Variants in PDK1 observed in about 807,000 individuals in gnomAD.
PDK1 encodes pyruvate dehydrogenase kinase 1, also known as [Pyruvate dehydrogenase (acetyl-transferring)] kinase isozyme 1, mitochondrial.
PDK1 carries 39 observed loss-of-function variants against 54.2 expected under a neutral mutation model. The ratio of observed to expected loss-of-function variants is 0.72; its 90% CI spans 0.56 to 0.94. The LOEUF is 0.94. Ranked by LOEUF, PDK1 falls within the 40% of genes least tolerant of loss-of-function variation. PDK1 has a pLI of 0.00. For synonymous variants in PDK1, 221 were observed against 207.1 expected, an observed-to-expected ratio of 1.07 and a Z score of -0.58; for missense variants, 552 against 566.0, an observed-to-expected ratio of 0.98 and a Z score of 0.25.
the PDK1 span, among the ~76,000 whole-genome samples, chr2:172,651,044 A>ATCACAC: frequency 1.3e-5 from 2 of 151,470 alleles, no homozygotes; most frequent in South Asian, 4.2e-4. Context: ...TCAGCACCAC[A>ATCACAC]GTATTCCAAA....
the PDK1 span, among the ~76,000 whole-genome samples, chr2:172,682,982 G>A: frequency 7.9e-4 from 121 of 152,290 alleles, 1 homozygote; most frequent in Middle Eastern, 6.8e-3. Flanking sequence ...ATAAGGCTGA[G>A]GAAGTGAGGT....
intron 3 of PDK1, among the ~76,000 whole-genome samples, chr2:172,563,344 T>G (rs1288598425): frequency 6.6e-6 from 1 of 152,194 alleles, no homozygotes; most frequent in East Asian, 1.9e-4. Context: ...AGAGTTTTGT[T>G]GTTTGTATTT....
rs768295817 is a variant in PDK1 at position 172,566,868 on chromosome 2, A to C, written c.704A>C (p.Asn235Thr). 2 of 1,608,686 alleles carry C rather than the reference A, an allele frequency of 1.2e-6. No individual in the cohort carries two copies. Among genetic ancestry groups the C allele is most frequent in the South Asian group, 2.2e-5 (2 of 90,584 alleles). ...TGATTCACACTAGATGGCTATGAAA[A>C]TGCTAGGCGTCTGTGTGATTTGTAT... ...VLEVIKDGYE[N>T]ARRLCDLYYI... is the part of the protein sequence containing the mutation. The change falls in exon 6 of 11, where the codon AAT becomes ACT. Residue 235 changes from asparagine (N) to threonine (T), a missense_variant. Physicochemically the swap from Asn to Thr is moderately conservative, Grantham distance 65. Coordinates refer to ENST00000282077, the MANE Select transcript of PDK1 (RefSeq NM_002610.5).
the PDK1 span, among the ~76,000 whole-genome samples, chr2:172,719,770 C>T: frequency 6.6e-6 from 1 of 152,132 alleles, no homozygotes; most frequent in Non-Finnish European, 1.5e-5. Context: ...TGCACATTGT[C>T]TGCCTTCTCC....
chr2:172,585,399 C>T (rs760831023), intron 8 of PDK1, among the ~76,000 whole-genome samples: 2 of 137,110 alleles, frequency 1.5e-5, no homozygotes, highest in Non-Finnish European at 3.0e-5. Flanking sequence ...GATCTTGGCT[C>T]ACTGTGACCT....
In PDK1 at chr2:172,570,810, G is replaced by A. The variant is rs2149231112; in HGVS notation, c.931G>A (p.Asp311Asn). 5 of 1,594,590 alleles carry A rather than the reference G, an allele frequency of 3.1e-6. No individual in the cohort carries two copies. Among genetic ancestry groups the A allele is most frequent in the Non-Finnish European group, 4.3e-6 (5 of 1,164,114 alleles). The change falls in exon 8 of 11, where the codon GAT becomes AAT. Residue 311 changes from aspartate to asparagine, a missense_variant. Transcript: ENST00000282077. ...IQVHVTLGNE[D>N]LTVKMSDRGG... ...AGTTCATGTCACGCTGGGTAATGAG[G>A]ATTTGACTGTGAAGGTAAATGTGTT... is the stretch of plus-strand genomic sequence containing the variant.
the PDK1 span, among the ~76,000 whole-genome samples, chr2:172,670,743 A>G: frequency 1.3e-5 from 2 of 152,212 alleles, no homozygotes; most frequent in African/African-American, 4.8e-5. Flanking sequence ...AAGTATTTGT[A>G]TGGTGTATTT....
At chr2:172,700,423 C>T in the PDK1 span, among the ~76,000 whole-genome samples, 92 of 141,774 alleles carry the variant, frequency 6.5e-4, 1 homozygote, top group Middle Eastern at 8.1e-3. Context: ...CAGGCAGAGG[C>T]GCTCCCCACA....
the PDK1 span, among the ~76,000 whole-genome samples, chr2:172,716,492 T>C: frequency 6.6e-6 from 1 of 151,996 alleles, no homozygotes; most frequent in African/African-American, 2.4e-5. Context: ...ACCTGGCTCA[T>C]TTTTGTATTT....
chr2:172,640,054 A>T, the PDK1 span, among the ~76,000 whole-genome samples: 4 of 152,220 alleles, frequency 2.6e-5, no homozygotes, highest in Non-Finnish European at 5.9e-5. Flanking sequence ...GACCAAGGAG[A>T]TAGGACTGGA....
intron 9 of PDK1, among the ~76,000 whole-genome samples, chr2:172,589,683 A>G (rs2149286006): frequency 6.6e-6 from 1 of 152,296 alleles, no homozygotes; most frequent in East Asian, 1.9e-4. Flanking sequence ...TAGTTGGTGG[A>G]GTTAGGTAAA....
At chr2:172,566,399 A>G (rs1688942445) in intron 5 of PDK1, among the ~76,000 whole-genome samples, 1 of 152,142 alleles carries the variant, frequency 6.6e-6, no homozygotes, top group African/African-American at 2.4e-5. Flanking sequence ...TACTGAAAAT[A>G]CAAAAATTAG....
chr2:172,562,307 T>C lies in PDK1; in HGVS notation c.410+16T>C. On this transcript the variant is annotated intron_variant, in intron 3 of 10. Coordinates refer to ENST00000282077, the MANE Select transcript of PDK1 (RefSeq NM_002610.5). Reference sequence around the variant, plus strand: ...CTATTTATGAGTAAGTTCACTATTTTGACCCTATTCTTAAACCTATTATTA... The same window carrying C: ...CTATTTATGAGTAAGTTCACTATTTCGACCCTATTCTTAAACCTATTATTA... 1 of 1,516,180 alleles carries C rather than the reference T, an allele frequency of 6.6e-7. No individual in the cohort carries two copies. Among genetic ancestry groups the C allele is most frequent in the East Asian group, 2.3e-5 (1 of 44,412 alleles). The allele number at this position is 1,516,180 out of a possible 1,614,324, so 93.9% of individuals were successfully genotyped here.
At chr2:172,700,522 G>C in the PDK1 span, among the ~76,000 whole-genome samples, 2 of 149,676 alleles carry the variant, frequency 1.3e-5, no homozygotes, top group African/African-American at 4.9e-5. Context: ...TTCCCAGACT[G>C]GGCGGCCAGG....
At chr2:172,719,174 G>A in the PDK1 span, among the ~76,000 whole-genome samples, 5 of 152,286 alleles carry the variant, frequency 3.3e-5, no homozygotes, top group South Asian at 2.1e-4. Context: ...CTGCTGAGTA[G>A]TACTCCATTG....
intron 1 of PDK1, among the ~76,000 whole-genome samples, 180 bp from the exon 2 acceptor site, chr2:172,558,528 G>A (rs1335786245): frequency 1.3e-5 from 2 of 152,196 alleles, no homozygotes; most frequent in Non-Finnish European, 2.9e-5. Context: ...TGGAGACTGG[G>A]TTATCTCATC....
the PDK1 span, among the ~76,000 whole-genome samples, chr2:172,658,168 A>C: frequency 1.3e-5 from 2 of 152,168 alleles, no homozygotes; most frequent in Admixed American, 1.3e-4. Flanking sequence ...CTCCACCTCC[A>C]ACACTGGGGA....
intron 3 of PDK1, chr2:172,562,826 C>T: frequency 6.2e-7 from 1 of 1,607,140 alleles, no homozygotes; most frequent in Non-Finnish European, 8.5e-7. Flanking sequence ...ATGTTAATAA[C>T]CCATATACCA....
At chr2:172,589,426 G>C (rs984940255) in intron 9 of PDK1, among the ~76,000 whole-genome samples, 1 of 152,220 alleles carries the variant, frequency 6.6e-6, no homozygotes, top group African/African-American at 2.4e-5. Flanking sequence ...GGAAGGGAAA[G>C]CTGCAGAGTA....
Sources: allele counts gnomAD v4.1 joint callset (sites outside exome capture counted in the v4.1 genomes callset), GRCh38; gene constraint gnomAD v4.1.1; transcripts MANE v1.5; gene names NCBI Gene and HGNC (gene_info 2026-07-23, HGNC 2026-07-21).